The following WASHC4 variants were observed in gnomAD, a reference collection of about 807,000 sequenced individuals.
WASHC4 encodes the protein WASH complex subunit 4, also known as WASH complex subunit 7.
Under a neutral mutation model 166.6 loss-of-function variants are expected in WASHC4, and 86 were observed. The ratio of observed to expected loss-of-function variants is 0.52; its 90% CI spans 0.43 to 0.62. The LOEUF (loss-of-function observed/expected upper bound fraction) is 0.62, where lower values mean the gene tolerates loss of function less well. Ranked by LOEUF, WASHC4 falls within the 20% of genes least tolerant of loss-of-function variation. The pLI is 0.00. For synonymous variants in WASHC4, 446 were observed against 451.6 expected (o/e 0.99, Z 0.16); for missense variants, 1,262 against 1,382.4 (o/e 0.91, Z 1.38).
intron 18 of WASHC4, among the ~76,000 whole-genome samples, chr12:105,141,558 A>AT (rs774343515): frequency 1.3e-5 from 2 of 152,224 alleles, no homozygotes; most frequent in African/African-American, 2.4e-5. Flanking sequence ...AAATTGCTGT[A>AT]TTATAACAGG....
Position 105,126,330 on chromosome 12 carries a change from T to A in WASHC4, c.1006T>A (p.Phe336Ile), listed in dbSNP as rs1421440978. Residue 336 changes from phenylalanine to isoleucine, a missense_variant, in exon 12 of 33, where the codon TTT becomes ATT. Coordinates refer to ENST00000332180, the MANE Select transcript of WASHC4 (RefSeq NM_015275.3). ...FQIFRTIDKK[F>I]YKSLLDICKK... ...GATTTTTCGAACTATTGATAAAAAG[T>A]TTTATAAGTCTTTATTGGACATTTG... The A allele has an allele frequency of 6.3e-7, 1 of 1,593,966 alleles. No homozygotes were observed. Among genetic ancestry groups the A allele is most frequent in the Non-Finnish European group, 8.6e-7 (1 of 1,162,936 alleles).
At position 105,125,985 on chromosome 12, in the gene WASHC4, T is replaced by C. The variant is rs749936623; in HGVS notation, c.787-19T>C. On this transcript the variant is annotated intron_variant, in intron 10 of 32. Coordinates refer to ENST00000332180, the MANE Select transcript of WASHC4 (RefSeq NM_015275.3). ...TATTATTGAGAGTCTGAATTTCTCT[T>C]TCAATGTTTCCTGTCTAGGCCTGTA... 2 of 1,608,546 alleles carry C rather than the reference T, an allele frequency of 1.2e-6. No homozygotes were observed. The highest frequency in any genetic ancestry group is 2.2e-5 in the South Asian group (2 of 90,914).
In WASHC4 at chr12:105,107,739, G is replaced by T. The variant is rs1356872538; in HGVS notation, c.-62G>T. 4.0e-6 allele frequency: 5 copies of T among 1,235,362 alleles called. No individual in the cohort carries two copies. The highest frequency in any genetic ancestry group is 5.8e-6 in the Non-Finnish European group (5 of 864,824). The allele number at this position is 1,235,362 out of a possible 1,614,324, so 76.5% of individuals were successfully genotyped here. ...AAGTCACGTGCTGTGACAGTAGCTGGGGTGAGGCCGTCGTCGCCGCACGGG... is the reference window on the plus strand; with the variant it reads ...AAGTCACGTGCTGTGACAGTAGCTGTGGTGAGGCCGTCGTCGCCGCACGGG... On this transcript the variant is annotated 5_prime_UTR_variant, in exon 1 of 33. Coordinates refer to ENST00000332180, the MANE Select transcript of WASHC4 (RefSeq NM_015275.3).
intron 1 of WASHC4, 89 bp from the exon 2 acceptor site, chr12:105,111,036 C>A: frequency 1.1e-6 from 1 of 930,532 alleles, no homozygotes; most frequent in Non-Finnish European, 1.7e-6. Flanking sequence ...ATTAACAGTG[C>A]TTTGCGTGAC....
rs1327694270 is a variant in WASHC4, at chr12:105,167,785, G to T, written c.*854G>T. 6.6e-6 allele frequency: 1 copy of T among 152,336 alleles called. No individual in the cohort carries two copies. Among genetic ancestry groups the T allele is most frequent in the East Asian group, 1.9e-4 (1 of 5,196 alleles). 9.4% of individuals were successfully genotyped at this position (152,336 alleles called of 1,614,324 possible). On this transcript the variant is annotated 3_prime_UTR_variant, in exon 33 of 33. Coordinates refer to ENST00000332180, the MANE Select transcript of WASHC4 (RefSeq NM_015275.3). ...AATTGAAATTTTGGTGATGGTTTGG[G>T]TAGACTTTTTTTTTATATCAAGTAT...
intron 26 of WASHC4, among the ~76,000 whole-genome samples, chr12:105,156,132 C>A (rs1242184223): frequency 6.6e-6 from 1 of 152,078 alleles, no homozygotes; most frequent in East Asian, 1.9e-4. Context: ...AGAAAGGAGC[C>A]AGGGATGACT....
intron 13 of WASHC4, among the ~76,000 whole-genome samples, chr12:105,129,034 C>T (rs1473837012): frequency 6.6e-6 from 1 of 151,020 alleles, no homozygotes; most frequent in Non-Finnish European, 1.5e-5. Context: ...CAACCTCCGC[C>T]TCCTGGGTTC....
In WASHC4 at chr12:105,111,132, T is replaced by C; in HGVS notation, c.69T>C (p.His23=). 2 of 1,603,404 alleles carry C rather than the reference T, an allele frequency of 1.2e-6. No individual in the cohort carries two copies. The highest frequency in any genetic ancestry group is 1.7e-4 in the Middle Eastern group (1 of 6,038). ...TTTAAAATTTAAACTTAGAAATTCA[T>C]GCCGAAGTCCAACTTAAGAATTATG... The part of the protein sequence containing the change: ...DRVDDGSQKI[H]AEVQLKNYGK... The change falls in exon 2 of 33, where the codon CAT becomes CAC. Residue 23 remains histidine, a synonymous_variant. Transcript: ENST00000332180.
intron 1 of WASHC4, among the ~76,000 whole-genome samples, chr12:105,109,481 C>G (rs1879436814): frequency 6.6e-6 from 1 of 152,058 alleles, no homozygotes; most frequent in East Asian, 1.9e-4. Context: ...AAAAAATTAC[C>G]ATGTAGTTCT....
chr12:105,115,940 T>G (rs1175922460), intron 6 of WASHC4, among the ~76,000 whole-genome samples: 1 of 152,150 alleles, frequency 6.6e-6, no homozygotes, highest in Admixed American at 6.5e-5. Flanking sequence ...TAAGTTTCTT[T>G]GTGTATATTT....
At chr12:105,131,094 T>G (rs566383349) in intron 13 of WASHC4, among the ~76,000 whole-genome samples, 6 of 150,368 alleles carry the variant, frequency 4.0e-5, no homozygotes, top group Admixed American at 4.0e-4. Context: ...TTTTTTTTTT[T>G]TTTGAGACGG....
At chr12:105,130,665 A>G (rs1328470435) in intron 13 of WASHC4, among the ~76,000 whole-genome samples, 4 of 152,020 alleles carry the variant, frequency 2.6e-5, no homozygotes, top group Non-Finnish European at 4.4e-5. Flanking sequence ...GAGTTTATGT[A>G]AGTGAGTAGG....
chr12:105,162,641 AT>A, intron 29 of WASHC4, 107 bp from the exon 30 acceptor site: 2 of 665,896 alleles, frequency 3.0e-6, no homozygotes, highest in Non-Finnish European at 5.4e-6. Context: ...ATTCTATTCT[AT>A]TCTATTTATA....
intron 1 of WASHC4, among the ~76,000 whole-genome samples, chr12:105,109,042 A>G (rs1644622489): frequency 6.6e-6 from 1 of 152,186 alleles, no homozygotes; most frequent in Non-Finnish European, 1.5e-5. Flanking sequence ...AGGCTGAGGC[A>G]GGAGAATCGC....
Position 105,144,699 on chromosome 12 carries a change from A to AT in WASHC4, c.2180-19_2180-18insT. On this transcript the variant is annotated intron_variant, in intron 21 of 32. Coordinates refer to ENST00000332180, the MANE Select transcript of WASHC4 (RefSeq NM_015275.3). Reference sequence around the variant, plus strand: ...TCCTTTTCTACTGTTTCACAAGTTGAATTTTTTTTTTTTGGTAGCTTACGT... The same window carrying AT: ...TCCTTTTCTACTGTTTCACAAGTTGATATTTTTTTTTTTTGGTAGCTTACGT... The AT allele has an allele frequency of 6.3e-7, 1 of 1,595,808 alleles. No individual in the cohort carries two copies. The highest frequency in any genetic ancestry group is 1.7e-5 in the Admixed American group (1 of 59,448).
chr12:105,160,236 A>C (rs1419888501), intron 29 of WASHC4, 88 bp downstream of exon 29: 2 of 1,023,446 alleles, frequency 2.0e-6, no homozygotes, highest in African/African-American at 3.2e-5. Flanking sequence ...CGAAATGCAT[A>C]CAGACTACAC....
At chr12:105,148,100 G>C (rs894294494) in intron 24 of WASHC4, 6 of 985,148 alleles carry the variant, frequency 6.1e-6, no homozygotes, top group Non-Finnish European at 7.2e-6. Context: ...ATTTGGAGTA[G>C]GGAATTGGGA....
At chr12:105,136,747 G>A (rs1313063263) in intron 14 of WASHC4, among the ~76,000 whole-genome samples, 1 of 152,132 alleles carries the variant, frequency 6.6e-6, no homozygotes, top group Non-Finnish European at 1.5e-5. Context: ...GTAAGACTGT[G>A]GCTCTTTCTG....
chr12:105,149,874 C>A, intron 25 of WASHC4, 125 bp downstream of exon 25: 2 of 941,930 alleles, frequency 2.1e-6, no homozygotes, highest in Non-Finnish European at 3.0e-6. Context: ...TAATTTCTTA[C>A]TCTGCATTAT....
Sources: allele counts gnomAD v4.1 joint callset (sites outside exome capture counted in the v4.1 genomes callset), GRCh38; gene constraint gnomAD v4.1.1; transcripts MANE v1.5; gene names NCBI Gene and HGNC (gene_info 2026-07-23, HGNC 2026-07-21).